OBSL1: variants seen among roughly 807,000 people sequenced by gnomAD.
OBSL1 encodes the protein obscurin-like protein 1.
Under a neutral mutation model 172.0 loss-of-function variants are expected in OBSL1, and 160 were observed. The observed-to-expected ratio is 0.93, with a 90% CI of 0.82 to 1.06. The LOEUF is 1.06. Ranked by LOEUF, OBSL1 falls within the 50% of genes least tolerant of loss-of-function variation. OBSL1 has a pLI of 0.00. For missense variants in OBSL1, 2,681 were observed against 2,715.4 expected (o/e 0.99, Z 0.28); for synonymous variants, 1,200 against 1,196.3 (o/e 1.00, Z -0.06).
intron 20 of OBSL1, 79 bp downstream of exon 20, chr2:219,551,450 G>C: frequency 6.9e-7 from 1 of 1,457,636 alleles, no homozygotes; most frequent in Non-Finnish European, 9.2e-7. Flanking sequence ...GTTCTGGAAA[G>C]CCTCCCATAG....
At chr2:219,549,645 G>A (rs540850538), downstream of OBSL1, 4 of 1,590,004 alleles carry the variant, frequency 2.5e-6, no homozygotes, top group Admixed American at 6.8e-5. Flanking sequence ...AGGCTTGTGG[G>A]AATTCAGGAA....
chr2:219,549,810 C>T (rs200881491), downstream of OBSL1: 22 of 1,614,058 alleles, frequency 1.4e-5, no homozygotes, highest in African/African-American at 1.7e-4. Context: ...GTATGGGTCC[C>T]GGGGACCTCT....
Position 219,553,687 on chromosome 2 carries a change from C to T in OBSL1, c.4877-1G>A. Reference sequence around the variant, plus strand: ...CCCCGCACGATGGTCACTGGGACCTCTGGGGGTGGGAGAGGGAGGACAGTG... The same window carrying T: ...CCCCGCACGATGGTCACTGGGACCTTTGGGGGTGGGAGAGGGAGGACAGTG... On this transcript the variant is annotated splice_acceptor_variant, in intron 15 of 20. Coordinates refer to ENST00000404537, the MANE Select transcript of OBSL1 (RefSeq NM_015311.3). LOFTEE classifies it high-confidence loss of function. The T allele has an allele frequency of 6.2e-7, 1 of 1,611,118 alleles. No individual in the cohort carries two copies. Among genetic ancestry groups the T allele is most frequent in the Non-Finnish European group, 8.5e-7 (1 of 1,177,922 alleles).
rs368405827 is a variant in OBSL1, at chr2:219,562,570, C to T, written c.2785G>A (p.Val929Met). Residue 929 changes from valine (V) to methionine (M), a missense_variant, in exon 8 of 21, where the codon GTG (valine) becomes ATG (methionine). This residue lies in a region of OBSL1 where 1,765 missense variants were observed against 1,748.3 expected (regional missense o/e 1.01). Coordinates refer to ENST00000404537, the MANE Select transcript of OBSL1 (RefSeq NM_015311.3). Reference sequence around the variant, plus strand: ...TCCTCTCCATCCTTGGTCCAGCGCACCTCTGCCCAGGGCCGGCATAGCTCA... The same window carrying T: ...TCCTCTCCATCCTTGGTCCAGCGCATCTCTGCCCAGGGCCGGCATAGCTCA... Reference protein sequence around the residue: ...TCELCRPWAEVRWTKDGEEVV... With the variant: ...TCELCRPWAEMRWTKDGEEVV... 1.2e-6 allele frequency: 2 copies of T among 1,613,350 alleles called. No individual in the cohort carries two copies. Among genetic ancestry groups the T allele is most frequent in the Admixed American group, 1.7e-5 (1 of 59,934 alleles).
At chr2:219,552,740 A>G in intron 17 of OBSL1, 43 bp from the exon 18 acceptor site, 2 of 1,513,282 alleles carry the variant, frequency 1.3e-6, no homozygotes, top group East Asian at 5.0e-5. Flanking sequence ...GGCAGAGGGC[A>G]GTTACCGGTC....
intron 14 of OBSL1, chr2:219,555,262 T>G (rs2045420165): frequency 6.5e-6 from 1 of 154,682 alleles, no homozygotes; most frequent in Non-Finnish European, 1.4e-5. Context: ...TCATGTTATC[T>G]CAGTTAATGT....
At chr2:219,567,153 C>T (rs1696960134) in intron 4 of OBSL1, 27 bp from the exon 5 acceptor site, 2 of 1,607,124 alleles carry the variant, frequency 1.2e-6, no homozygotes, top group Admixed American at 1.7e-5. Flanking sequence ...GTGCAGCTGT[C>T]AGAACTAGAA....
Position 219,571,096 on chromosome 2 carries a change from TC to T in OBSL1, c.136del (p.Glu46ArgfsTer13). On this transcript the variant is annotated frameshift_variant, in exon 1 of 21. Transcript: ENST00000404537. LOFTEE classifies it high-confidence loss of function. ...GGCCGCCAGCTGCTGCCCGCCCTTC[TC>T]CCACACCACTACAGGCGGCGGCTCC... ...LGEPPPVVVW[E>X]KGGQQLAASE... 1 of 1,466,018 alleles carries T rather than the reference TC, an allele frequency of 6.8e-7. No homozygotes were observed. Among genetic ancestry groups the T allele is most frequent in the South Asian group, 1.3e-5 (1 of 76,556 alleles). 90.8% of individuals were successfully genotyped at this position (1,466,018 alleles called of 1,614,324 possible). A position where few individuals can be genotyped will look rare whatever the true frequency, so the allele number is the denominator to read the frequency against.
downstream of OBSL1, chr2:219,548,055 C>T (rs749872066): frequency 3.8e-6 from 6 of 1,573,162 alleles, no homozygotes; most frequent in Non-Finnish European, 5.2e-6. Context: ...TGGAGGGTGA[C>T]AGCTGAGGGG....
Position 219,551,719 on chromosome 2 carries a change from A to G in OBSL1, c.5493T>C (p.Thr1831=). ...ACACGTGGCCCCCCGAGCGGGACACAGTCACCTCCAGCACCGCCCGGCGGC... is the reference window on the plus strand; with the variant it reads ...ACACGTGGCCCCCCGAGCGGGACACGGTCACCTCCAGCACCGCCCGGCGGC... ...LVGRRAVLEV[T]VSRSGGHVCW... is the part of the protein sequence containing the mutation. Residue 1831 remains threonine (T), a synonymous_variant, in exon 20 of 21, where the codon ACT becomes ACC. Coordinates refer to ENST00000404537, the MANE Select transcript of OBSL1 (RefSeq NM_015311.3). The G allele has an allele frequency of 6.2e-7, 1 of 1,609,620 alleles. No homozygotes were observed. Among genetic ancestry groups the G allele is most frequent in the East Asian group, 2.2e-5 (1 of 44,832 alleles).
rs567024485 is a variant in OBSL1, at chr2:219,565,937, C to A, written c.2135-423G>T. Among the ~76,000 whole-genome samples, 3 of 152,308 alleles carry A rather than the reference C, an allele frequency of 2.0e-5. No individual in the cohort carries two copies. The East Asian group carries it at 5.8e-4, about 29-fold the overall frequency. ...ACAAACTCCAGCAATGGTGACATGG[C>A]AAATGCTAGCGTGATCCTTGAACTT... On this transcript the variant is annotated intron_variant, in intron 5 of 20. Transcript: ENST00000404537.
chr2:219,555,620 C>T, intron 14 of OBSL1: 1 of 1,022,318 alleles, frequency 9.8e-7, no homozygotes, highest in Non-Finnish European at 1.2e-6. Context: ...AAGAGGTTAA[C>T]TTGCATGAGG....
At chr2:219,560,173 A>G (rs943005654) in intron 8 of OBSL1, among the ~76,000 whole-genome samples, 1 of 152,160 alleles carries the variant, frequency 6.6e-6, no homozygotes, top group East Asian at 1.9e-4. Context: ...CCCATTTTCC[A>G]TATAAGGGAC....
intron 8 of OBSL1, among the ~76,000 whole-genome samples, chr2:219,560,454 G>A (rs1696373476): frequency 6.6e-6 from 1 of 152,176 alleles, no homozygotes; most frequent in Non-Finnish European, 1.5e-5. Flanking sequence ...CAATATTAGA[G>A]GTGACCAGCG....
At chr2:219,549,092 G>A (rs759410868), downstream of OBSL1, 17 of 1,591,234 alleles carry the variant, frequency 1.1e-5, no homozygotes, top group Admixed American at 2.4e-4. Context: ...AGAGAGGGAG[G>A]GCTCAAGGGA....
At chr2:219,551,887 T>C (rs1695636622) in intron 19 of OBSL1, 89 bp from the exon 20 acceptor site, 1 of 930,068 alleles carries the variant, frequency 1.1e-6, no homozygotes, top group East Asian at 2.5e-5. Context: ...AAGTCTCCAC[T>C]CCTGGCCTTA....
chr2:219,571,425 G>A lies in OBSL1; in HGVS notation c.-193C>T, dbSNP rs527279148. 2 of 337,096 alleles carry A rather than the reference G, an allele frequency of 5.9e-6. No individual in the cohort carries two copies. Among genetic ancestry groups the A allele is most frequent in the Non-Finnish European group, 5.3e-6 (1 of 189,636 alleles). The allele number at this position is 337,096 out of a possible 1,614,324, so 20.9% of individuals were successfully genotyped here. A position where few individuals can be genotyped will look rare whatever the true frequency, so the allele number is the denominator to read the frequency against. On this transcript the variant is annotated 5_prime_UTR_variant, in exon 1 of 21. Coordinates refer to ENST00000404537, the MANE Select transcript of OBSL1 (RefSeq NM_015311.3). Reference sequence around the variant, plus strand: ...CCCCGAGCTGCAGCTCTGCGGCGGCGGCGGCGGCGATTCCCGGGCCCGAAG... The same window carrying A: ...CCCCGAGCTGCAGCTCTGCGGCGGCAGCGGCGGCGATTCCCGGGCCCGAAG...
intron 5 of OBSL1, among the ~76,000 whole-genome samples, chr2:219,565,967 C>T (rs930084810): frequency 2.6e-5 from 4 of 152,204 alleles, no homozygotes; most frequent in Non-Finnish European, 4.4e-5. Context: ...GAACTTTGAG[C>T]GCCCCACCTC....
Position 219,565,468 on chromosome 2 carries a change from GGTCAAC to G in OBSL1, c.2175_2180del (p.Leu726_Thr727del). 1.2e-6 allele frequency: 2 copies of G among 1,612,708 alleles called. No individual in the cohort carries two copies. Among genetic ancestry groups the G allele is most frequent in the Non-Finnish European group, 1.7e-6 (2 of 1,179,866 alleles). The stretch of plus-strand genomic sequence containing the variant: ...GCACCACCCGCTCTGAGGTTGTGAA[GGTCAAC>G]GACACCCTGTCCTGGGGGCTCAGGA... On this transcript the variant is annotated inframe_deletion, in exon 6 of 21. Transcript: ENST00000404537.
Sources: allele counts gnomAD v4.1 joint callset (sites outside exome capture counted in the v4.1 genomes callset), GRCh38; gene constraint gnomAD v4.1.1; regional missense constraint gnomAD v4.1.1; transcripts MANE v1.5; gene names NCBI Gene and HGNC (gene_info 2026-07-23, HGNC 2026-07-21).